The following KCNMA1 variants were observed in gnomAD, a reference collection of about 807,000 sequenced individuals.
The protein encoded by KCNMA1 is Calcium-activated potassium channel subunit alpha-1.
In KCNMA1, 29 loss-of-function variants were observed where a neutral mutation model predicts 140.0. The observed-to-expected ratio is 0.21, with a 90% CI of 0.15 to 0.28. The LOEUF (loss-of-function observed/expected upper bound fraction) is 0.28. Ranked by LOEUF, KCNMA1 falls within the 10% of genes least tolerant of loss-of-function variation. KCNMA1 has a pLI of 1.00. For missense variants in KCNMA1, 880 were observed against 1,602.2 expected (o/e 0.55, Z 7.70); for synonymous variants, 612 against 611.9 (o/e 1.00, Z 0.00).
rs559764920 is a variant in KCNMA1, at chr10:76,887,525, G to A, written c.3462-10C>T. On this transcript the variant is annotated splice_polypyrimidine_tract_variant and intron_variant, in intron 27 of 27. Transcript: ENST00000286628. ...GTTGGTGATGACATACCTGGACAGG[G>A]AAAGCAGAGATGTCACCTCCTGAGA... The A allele has an allele frequency of 3.3e-5, 53 of 1,614,132 alleles. No individual in the cohort carries two copies. In the East Asian group the frequency reaches 1.1e-3, roughly 34 times the overall value.
intron 1 of KCNMA1, among the ~76,000 whole-genome samples, chr10:77,594,069 A>T: frequency 6.6e-6 from 1 of 152,182 alleles, no homozygotes; most frequent in East Asian, 1.9e-4. Context: ...TTAAATAAAG[A>T]GAAATGGGAG....
chr10:76,886,164 C>G lies in KCNMA1; in HGVS notation c.*1102G>C. On this transcript the variant is annotated 3_prime_UTR_variant, in exon 28 of 28. Transcript: ENST00000286628. ...GCTCCTAGAAAAGCATGATCTGCAG[C>G]TGGGTTTGTCTTCCTCTCACTCTAC... The G allele has an allele frequency of 2.0e-6, 2 of 985,394 alleles. No homozygotes were observed. The allele number at this position is 985,394 out of a possible 1,614,324, so 61.0% of individuals were successfully genotyped here.
At chr10:77,489,605 C>G (rs1163132023) in intron 1 of KCNMA1, among the ~76,000 whole-genome samples, 2 of 152,214 alleles carry the variant, frequency 1.3e-5, no homozygotes, top group Admixed American at 1.3e-4. Context: ...TCCCAAAGTG[C>G]TGGGATTACA....
intron 1 of KCNMA1, among the ~76,000 whole-genome samples, chr10:77,418,761 G>T (rs1255535184): frequency 6.6e-6 from 1 of 152,164 alleles, no homozygotes; most frequent in Non-Finnish European, 1.5e-5. Context: ...CTAAATTGGT[G>T]AATCTACTTG....
At chr10:77,069,229 C>T (rs2096087323) in intron 14 of KCNMA1, among the ~76,000 whole-genome samples, 1 of 152,102 alleles carries the variant, frequency 6.6e-6, no homozygotes, top group Admixed American at 6.6e-5. Context: ...CAGACAGTGG[C>T]AAATGAACAG....
intron 1 of KCNMA1, among the ~76,000 whole-genome samples, chr10:77,500,182 A>C (rs2043358890): frequency 6.6e-6 from 1 of 151,252 alleles, no homozygotes; most frequent in Non-Finnish European, 1.5e-5. Flanking sequence ...AAAAAACAGA[A>C]AGGCCAAAAC....
At chr10:77,229,637 C>T (rs771698411) in intron 3 of KCNMA1, among the ~76,000 whole-genome samples, 21 of 152,284 alleles carry the variant, frequency 1.4e-4, no homozygotes, top group Admixed American at 5.2e-4. Flanking sequence ...AACCCCACCT[C>T]GGTCTGAGTC....
chr10:77,379,333 A>T (rs536474682), intron 2 of KCNMA1, among the ~76,000 whole-genome samples: 1 of 152,170 alleles, frequency 6.6e-6, no homozygotes, highest in Non-Finnish European at 1.5e-5. Flanking sequence ...ATCCTCAACC[A>T]TTTTTAAATT....
Position 77,086,593 on chromosome 10 carries a change from G to A in KCNMA1, c.1335C>T (p.Asn445=). 1 of 1,606,158 alleles carries A rather than the reference G, an allele frequency of 6.2e-7. No individual in the cohort carries two copies. The highest frequency in any genetic ancestry group is 8.5e-7 in the Non-Finnish European group (1 of 1,172,796). ...DVNVEIVFLH[N]ISPNLELEAL... ...CTTCAAGCTCCAGGTTGGGGGAGATGCTACACAGGGAGAGAAGAAATCGCT... is the reference window on the plus strand; with the variant it reads ...CTTCAAGCTCCAGGTTGGGGGAGATACTACACAGGGAGAGAAGAAATCGCT... The change falls in exon 11 of 28, where the codon AAC becomes AAT. Residue 445 remains asparagine (N), a splice_region_variant and synonymous_variant. Transcript: ENST00000286628.
intron 1 of KCNMA1, among the ~76,000 whole-genome samples, chr10:77,603,256 G>C (rs60656817): frequency 0.27 from 40,344 of 151,818 alleles, 5,426 homozygotes; most frequent in Middle Eastern, 0.39. Flanking sequence ...GCGTTCGCAG[G>C]ACTTCCTGCA....
intron 1 of KCNMA1, among the ~76,000 whole-genome samples, chr10:77,615,123 A>T (rs1332111537): frequency 6.6e-6 from 1 of 152,212 alleles, no homozygotes; most frequent in African/African-American, 2.4e-5. Context: ...AGCCTATCAG[A>T]GTAGCACAGG....
At chr10:77,130,086 A>C (rs2097826331) in intron 5 of KCNMA1, among the ~76,000 whole-genome samples, 1 of 152,178 alleles carries the variant, frequency 6.6e-6, no homozygotes, top group Non-Finnish European at 1.5e-5. Context: ...AAATAAACAT[A>C]AACTGAGGAC....
intron 9 of KCNMA1, among the ~76,000 whole-genome samples, chr10:77,107,464 A>G (rs1197253733): frequency 1.3e-5 from 2 of 152,076 alleles, no homozygotes; most frequent in African/African-American, 4.8e-5. Context: ...AAAGGTGACT[A>G]CTCCAGAAAA....
chr10:77,542,940 G>C (rs1234897431), intron 1 of KCNMA1, among the ~76,000 whole-genome samples: 1 of 152,180 alleles, frequency 6.6e-6, no homozygotes, highest in Non-Finnish European at 1.5e-5. Context: ...AATACGGAGA[G>C]AGTTGGGGAA....
intron 1 of KCNMA1, 54 bp downstream of exon 1, chr10:77,637,211 C>A (rs932217298): frequency 1.5e-5 from 22 of 1,489,168 alleles, no homozygotes; most frequent in Non-Finnish European, 3.7e-6. Context: ...CTGCAGGGGA[C>A]GCCGAGAAGC....
At chr10:77,073,779 T>C (rs549900761) in intron 13 of KCNMA1, among the ~76,000 whole-genome samples, 10 of 152,212 alleles carry the variant, frequency 6.6e-5, no homozygotes, top group African/African-American at 2.4e-4. Context: ...GGCTGGAGAA[T>C]TTGGCATTTC....
At chr10:77,634,340 T>C (rs2093518211) in intron 1 of KCNMA1, 2 of 985,466 alleles carry the variant, frequency 2.0e-6, no homozygotes, top group Non-Finnish European at 2.4e-6. Context: ...TCTTCTTCAC[T>C]TTCTGAAAAA....
At chr10:77,083,697 T>G (rs191725594) in intron 12 of KCNMA1, among the ~76,000 whole-genome samples, 36 of 151,166 alleles carry the variant, frequency 2.4e-4, no homozygotes, top group African/African-American at 8.7e-4. Flanking sequence ...TGGCCATGTG[T>G]GGTGGCACAT....
At chr10:76,888,713 G>A (rs907270781) in intron 27 of KCNMA1, among the ~76,000 whole-genome samples, 2 of 152,240 alleles carry the variant, frequency 1.3e-5, no homozygotes, top group Non-Finnish European at 1.5e-5. Flanking sequence ...GTTAAAAAGC[G>A]AGTCAATTTA....
Sources: gnomAD v4.1 joint callset for allele counts (sites outside exome capture counted in the v4.1 genomes callset) on GRCh38, gnomAD v4.1.1 for gene constraint, MANE v1.5 for transcripts, NCBI Gene and HGNC (gene_info 2026-07-23, HGNC 2026-07-21) for gene names.